ALKAL1: variants seen among roughly 807,000 people sequenced by gnomAD.
ALKAL1 encodes ALK and LTK ligand 1, also known as AUG-beta.
In ALKAL1, 23 loss-of-function variants were observed where a neutral mutation model predicts 13.5. The observed-to-expected ratio is 1.70, with a 90% CI of 1.23 to 2.41. The LOEUF (loss-of-function observed/expected upper bound fraction) is 2.41, where lower values mean the gene tolerates loss of function less well. Ranked by LOEUF, ALKAL1 falls within the 30% of genes most tolerant of loss-of-function variation. The pLI, the probability that ALKAL1 is intolerant of heterozygous loss-of-function variation, is 0.00. For synonymous variants in ALKAL1, 85 were observed against 77.7 expected (o/e 1.09, Z -0.49); for missense variants, 181 against 178.4 (o/e 1.01, Z -0.08).
At chr8:52,549,778 C>T (rs1847411621) in intron 1 of ALKAL1, among the ~76,000 whole-genome samples, 3 of 151,938 alleles carry the variant, frequency 2.0e-5, no homozygotes, top group South Asian at 2.1e-4. Flanking sequence ...CCCATCTCTA[C>T]TAAAAATATA....
intron 3 of ALKAL1, among the ~76,000 whole-genome samples, chr8:52,539,485 G>A (rs1313750339): frequency 6.6e-6 from 1 of 151,998 alleles, no homozygotes; most frequent in African/African-American, 2.4e-5. Flanking sequence ...TTTTTACTTA[G>A]AGTTCACAGT....
rs1310995790 is a variant in ALKAL1 at position 52,565,212 on chromosome 8, C to A, written c.45G>T (p.Leu15=). The change falls in exon 1 of 5, where the codon CTG becomes CTT. Residue 15 remains leucine, a synonymous_variant. Coordinates refer to ENST00000358543, the MANE Select transcript of ALKAL1 (RefSeq NM_207413.4). ...CGTGCGGGGACAAAGCCAGCGCCAGCAGGAAGAGTGCGGGCAAAGGGGCGC... is the reference window on the plus strand; with the variant it reads ...CGTGCGGGGACAAAGCCAGCGCCAGAAGGAAGAGTGCGGGCAAAGGGGCGC... The part of the protein sequence containing the change: ...KPGAPLPALF[L]LALALSPHGA... 3.0e-6 allele frequency: 4 copies of A among 1,336,614 alleles called. No individual in the cohort carries two copies. Among genetic ancestry groups the A allele is most frequent in the South Asian group, 2.0e-5 (1 of 49,798 alleles). 82.8% of individuals were successfully genotyped at this position (1,336,614 alleles called of 1,614,324 possible).
At chr8:52,547,271 G>A (rs1847379382) in intron 1 of ALKAL1, among the ~76,000 whole-genome samples, 1 of 152,168 alleles carries the variant, frequency 6.6e-6, no homozygotes, top group Non-Finnish European at 1.5e-5. Flanking sequence ...GCTGAGGCAG[G>A]TGGATCACCT....
At chr8:52,547,360 C>T (rs947328975) in intron 1 of ALKAL1, among the ~76,000 whole-genome samples, 2 of 151,892 alleles carry the variant, frequency 1.3e-5, no homozygotes, top group African/African-American at 2.4e-5. Context: ...ATTAGCCTAG[C>T]GTGGTAGCGT....
chr8:52,560,313 G>A (rs1176279037), intron 1 of ALKAL1, among the ~76,000 whole-genome samples: 1 of 152,040 alleles, frequency 6.6e-6, no homozygotes, highest in Non-Finnish European at 1.5e-5. Flanking sequence ...AGTTTATGTT[G>A]TTAGATATAT....
intron 1 of ALKAL1, among the ~76,000 whole-genome samples, chr8:52,548,426 T>C (rs1370620162): frequency 6.6e-6 from 1 of 151,858 alleles, no homozygotes; most frequent in Non-Finnish European, 1.5e-5. Context: ...GAAGTGCTAG[T>C]GTTCTATAGC....
At chr8:52,556,355 T>C (rs1847480987) in intron 1 of ALKAL1, among the ~76,000 whole-genome samples, 1 of 152,004 alleles carries the variant, frequency 6.6e-6, no homozygotes, top group Non-Finnish European at 1.5e-5. Flanking sequence ...GTTTAGAAGA[T>C]TGGATGGATA....
chr8:52,544,645 G>T (rs1171957383), intron 1 of ALKAL1, among the ~76,000 whole-genome samples: 1 of 152,118 alleles, frequency 6.6e-6, no homozygotes, highest in Non-Finnish European at 1.5e-5. Flanking sequence ...AGCTGCAGAT[G>T]GGTAGGATGA....
At chr8:52,542,224 G>A (rs1847320787) in intron 2 of ALKAL1, among the ~76,000 whole-genome samples, 168 bp downstream of exon 2, 1 of 152,098 alleles carries the variant, frequency 6.6e-6, no homozygotes, top group Non-Finnish European at 1.5e-5. Context: ...CTTATTAAGG[G>A]CTGGTTTACA....
chr8:52,559,317 A>G (rs1359578061), intron 1 of ALKAL1, among the ~76,000 whole-genome samples: 1 of 152,170 alleles, frequency 6.6e-6, no homozygotes, highest in Admixed American at 6.5e-5. Flanking sequence ...TTCAAAACAC[A>G]CTGGAACGTA....
At chr8:52,559,242 A>G (rs1039445334) in intron 1 of ALKAL1, among the ~76,000 whole-genome samples, 2 of 152,200 alleles carry the variant, frequency 1.3e-5, no homozygotes, top group African/African-American at 2.4e-5. Context: ...ATTCTAAAAA[A>G]GGGGGCTTAA....
intron 1 of ALKAL1, among the ~76,000 whole-genome samples, chr8:52,563,324 G>A (rs1847569862): frequency 6.6e-6 from 1 of 152,130 alleles, no homozygotes; most frequent in Admixed American, 6.5e-5. Flanking sequence ...CTAGCTACGT[G>A]GGAGGCTGAG....
At chr8:52,557,569 C>CT (rs1847497704) in intron 1 of ALKAL1, among the ~76,000 whole-genome samples, 1 of 152,170 alleles carries the variant, frequency 6.6e-6, no homozygotes, top group Admixed American at 6.5e-5. Flanking sequence ...AAAGATCAGA[C>CT]TTTTTTTAAC....
intron 2 of ALKAL1, among the ~76,000 whole-genome samples, chr8:52,540,864 C>T (rs1847306051): frequency 6.6e-6 from 1 of 152,186 alleles, no homozygotes; most frequent in African/African-American, 2.4e-5. Context: ...CCTCACACAT[C>T]CCTGTGCCCT....
At chr8:52,548,324 G>A (rs961458624) in intron 1 of ALKAL1, among the ~76,000 whole-genome samples, 13 of 151,458 alleles carry the variant, frequency 8.6e-5, no homozygotes, top group African/African-American at 2.7e-4. Flanking sequence ...CAGCCTGGGC[G>A]ACAAGAGCGA....
At chr8:52,555,206 G>A (rs1460711419) in intron 1 of ALKAL1, among the ~76,000 whole-genome samples, 2 of 151,754 alleles carry the variant, frequency 1.3e-5, no homozygotes, top group African/African-American at 2.4e-5. Context: ...GCCGACAAAT[G>A]CCCACTGGAG....
At chr8:52,544,628 G>T (rs967613422) in intron 1 of ALKAL1, among the ~76,000 whole-genome samples, 1 of 152,106 alleles carries the variant, frequency 6.6e-6, no homozygotes, top group Non-Finnish European at 1.5e-5. Context: ...TTGGCCAAAG[G>T]ATACAAAGCT....
At chr8:52,534,636 C>A (rs765204484) in intron 4 of ALKAL1, 36 bp from the exon 5 acceptor site, 3 of 572,814 alleles carry the variant, frequency 5.2e-6, no homozygotes, top group South Asian at 4.7e-5. Context: ...TCATTTATGA[C>A]CTGGTTTTTA....
chr8:52,549,477 A>G (rs1167851486), intron 1 of ALKAL1, among the ~76,000 whole-genome samples: 3 of 150,768 alleles, frequency 2.0e-5, no homozygotes, highest in Non-Finnish European at 4.4e-5. Context: ...AGAAAAAGCT[A>G]CTTCAACCTC....
Sources: allele counts gnomAD v4.1 joint callset (sites outside exome capture counted in the v4.1 genomes callset), GRCh38; gene constraint gnomAD v4.1.1; transcripts MANE v1.5; gene names NCBI Gene and HGNC (gene_info 2026-07-23, HGNC 2026-07-21).